The following ZNF407 variants were observed in gnomAD, a reference collection of about 807,000 sequenced individuals.
ZNF407 encodes zinc finger protein 407.
ZNF407 carries 17 observed loss-of-function variants against 131.2 expected under a neutral mutation model. The observed-to-expected ratio is 0.13, with a 90% CI of 0.09 to 0.19. ZNF407 has a LOEUF of 0.19. Ranked by LOEUF, ZNF407 falls within the 10% of genes least tolerant of loss-of-function variation. The pLI is 1.00. For synonymous variants in ZNF407, 1,156 were observed against 1,062.0 expected, an observed-to-expected ratio of 1.09 and a Z score of -1.72; for missense variants, 2,681 against 2,830.6, an observed-to-expected ratio of 0.95 and a Z score of 1.20.
intron 8 of ZNF407, among the ~76,000 whole-genome samples, chr18:75,049,600 T>C (rs1477463810): frequency 6.6e-6 from 1 of 152,178 alleles, no homozygotes; most frequent in African/African-American, 2.4e-5. Context: ...GGCATCGCGT[T>C]TCAGTTTCTG....
rs1968925683 is a variant in ZNF407 at position 74,755,728 on chromosome 18, C to CTTTCTTTCTTT, written c.4803-25700_4803-25699insTTTCTTTCTTT. Among the ~76,000 whole-genome samples, 75 of 63,480 alleles carry CTTTCTTTCTTT rather than the reference C, an allele frequency of 1.2e-3. 1 individual carries two copies. The highest frequency in any genetic ancestry group is 4.4e-3 in the African/African-American group (63 of 14,182). 41.6% of individuals were successfully genotyped at this position (63,480 alleles called of 152,430 possible). On this transcript the variant is annotated intron_variant, in intron 3 of 8. Transcript: ENST00000299687. ...CTCAGCCTGCCTCTCTTCTTTCTTT[C>CTTTCTTTCTTT]CTTTCTTTCTTTCTTTCTTTCTTTC...
At chr18:74,741,744 G>A (rs1968554994) in intron 3 of ZNF407, among the ~76,000 whole-genome samples, 1 of 152,120 alleles carries the variant, frequency 6.6e-6, no homozygotes, top group African/African-American at 2.4e-5. Flanking sequence ...TTGGTGACAA[G>A]AAGGGATACT....
chr18:74,945,741 G>A (rs1409850472), intron 8 of ZNF407, among the ~76,000 whole-genome samples: 1 of 152,070 alleles, frequency 6.6e-6, no homozygotes, highest in African/African-American at 2.4e-5. Flanking sequence ...TAACAGGTTT[G>A]TCCTTATTTT....
chr18:74,822,664 G>A (rs1201288530), intron 4 of ZNF407, among the ~76,000 whole-genome samples: 2 of 152,146 alleles, frequency 1.3e-5, no homozygotes, highest in Admixed American at 6.5e-5. Flanking sequence ...TTTGGTTAGT[G>A]TAGCCTTGTA....
chr18:74,600,169 A>C (rs982603075), intron 1 of ZNF407, among the ~76,000 whole-genome samples: 1 of 152,232 alleles, frequency 6.6e-6, no homozygotes, highest in African/African-American at 2.4e-5. Flanking sequence ...CAACCATGGC[A>C]ATGGACTTGG....
Position 74,634,848 on chromosome 18 carries a change from C to T in ZNF407, c.3829C>T (p.Leu1277=). The stretch of plus-strand genomic sequence containing the variant: ...AAGAATAACCAGAGAACAGGGAAAT[C>T]TGGAGAGCGGGGGTCAGAACAGAGT... ...VTRITREQGN[L]ESGGQNRVAR... The change falls in exon 2 of 9, where the codon CTG becomes TTG. Residue 1277 remains leucine, a synonymous_variant. Transcript: ENST00000299687. 1 of 1,613,796 alleles carries T rather than the reference C, an allele frequency of 6.2e-7. No individual in the cohort carries two copies. The highest frequency in any genetic ancestry group is 1.3e-5 in the African/African-American group (1 of 75,048).
chr18:74,775,851 G>C (rs1969458596), intron 3 of ZNF407, among the ~76,000 whole-genome samples: 1 of 152,064 alleles, frequency 6.6e-6, no homozygotes, highest in African/African-American at 2.4e-5. Context: ...GTCTCACATG[G>C]CTGGAGCAGG....
intron 3 of ZNF407, among the ~76,000 whole-genome samples, chr18:74,749,997 C>G (rs1968761474): frequency 6.6e-6 from 1 of 152,130 alleles, no homozygotes; most frequent in African/African-American, 2.4e-5. Flanking sequence ...GAGGTTGGTG[C>G]AAGGGTCACA....
At chr18:74,698,605 G>T (rs1416764386) in intron 3 of ZNF407, among the ~76,000 whole-genome samples, 1 of 152,170 alleles carries the variant, frequency 6.6e-6, no homozygotes, top group Non-Finnish European at 1.5e-5. Flanking sequence ...GACATTCATG[G>T]TGTGTCAGGT....
chr18:74,871,972 C>T (rs968378292), intron 4 of ZNF407, among the ~76,000 whole-genome samples: 10 of 151,608 alleles, frequency 6.6e-5, no homozygotes, highest in Middle Eastern at 3.4e-3. Context: ...TGGGTTCAAG[C>T]GATTCTCCTG....
chr18:75,021,377 C>T (rs1973108340), intron 8 of ZNF407, among the ~76,000 whole-genome samples: 1 of 152,162 alleles, frequency 6.6e-6, no homozygotes, highest in African/African-American at 2.4e-5. Context: ...TCAAGTGATC[C>T]TCCCTCCTCA....
In ZNF407 at chr18:74,634,339, A is replaced by G; in HGVS notation, c.3320A>G (p.Glu1107Gly). Reference sequence around the variant, plus strand: ...GAAGAGCATCAACAAAATTCTGAGGAATTTCAAATAATTTCAGGTCAACCA... The same window carrying G: ...GAAGAGCATCAACAAAATTCTGAGGGATTTCAAATAATTTCAGGTCAACCA... ...PEEEHQQNSE[E>G]FQIISGQPSD... Residue 1107 changes from glutamate to glycine, a missense_variant, in exon 2 of 9, where the codon GAA becomes GGA. By Grantham distance (98) the Glu-to-Gly change is moderately conservative. Transcript: ENST00000299687. 4 of 1,613,962 alleles carry G rather than the reference A, an allele frequency of 2.5e-6. No homozygotes were observed. Among genetic ancestry groups the G allele is most frequent in the Non-Finnish European group, 3.4e-6 (4 of 1,179,876 alleles).
chr18:74,832,563 T>C (rs1970500932), intron 4 of ZNF407, among the ~76,000 whole-genome samples: 1 of 152,146 alleles, frequency 6.6e-6, no homozygotes, highest in Non-Finnish European at 1.5e-5. Context: ...CACCTGAGTT[T>C]GTAAGCTCAC....
intron 3 of ZNF407, among the ~76,000 whole-genome samples, chr18:74,699,149 A>G (rs1967432681): frequency 6.6e-6 from 1 of 152,102 alleles, no homozygotes; most frequent in Admixed American, 6.6e-5. Context: ...CATTTCAAAT[A>G]TCTTTGGGTC....
At chr18:74,938,102 G>A (rs911227243) in intron 8 of ZNF407, among the ~76,000 whole-genome samples, 2 of 152,054 alleles carry the variant, frequency 1.3e-5, no homozygotes, top group Admixed American at 6.6e-5. Context: ...GCTTATGAGC[G>A]GGCCCCATAA....
chr18:74,686,105 C>T (rs576888523), intron 3 of ZNF407, among the ~76,000 whole-genome samples: 2 of 152,302 alleles, frequency 1.3e-5, no homozygotes, highest in African/African-American at 4.8e-5. Context: ...GCCAGCCTTC[C>T]AGCCACTGTG....
chr18:74,718,649 A>C (rs1357785809), intron 3 of ZNF407, among the ~76,000 whole-genome samples: 2 of 152,228 alleles, frequency 1.3e-5, no homozygotes, highest in Non-Finnish European at 2.9e-5. Flanking sequence ...GCTGTGTGCC[A>C]CTGTACTCAG....
chr18:74,901,787 C>G (rs1047674763), intron 7 of ZNF407, among the ~76,000 whole-genome samples: 4 of 152,194 alleles, frequency 2.6e-5, no homozygotes, highest in African/African-American at 9.7e-5. Context: ...TATGCACTTG[C>G]TTTAACTACA....
intron 8 of ZNF407, among the ~76,000 whole-genome samples, chr18:74,971,115 C>T (rs988450667): frequency 6.6e-6 from 1 of 152,178 alleles, no homozygotes; most frequent in Admixed American, 6.5e-5. Context: ...CACAGGGCAC[C>T]AAGTCCCTAG....
Sources: allele counts gnomAD v4.1 joint callset (sites outside exome capture counted in the v4.1 genomes callset), GRCh38; gene constraint gnomAD v4.1.1; transcripts MANE v1.5; gene names NCBI Gene and HGNC (gene_info 2026-07-23, HGNC 2026-07-21).